HK2: variants seen among roughly 807,000 people sequenced by gnomAD.
The protein encoded by HK2 is hexokinase-2.
A neutral mutation model predicts 92.9 loss-of-function variants in HK2; 42 were observed. That is an observed-to-expected ratio of 0.45 (90% CI 0.35 to 0.58). The LOEUF is 0.58. Ranked by LOEUF, HK2 falls within the 20% of genes least tolerant of loss-of-function variation. The pLI is 0.00. For missense variants in HK2, 978 were observed against 1,245.1 expected (o/e 0.79, Z 3.23); for synonymous variants, 422 against 468.0 (o/e 0.90, Z 1.27).
chr2:74,839,767 C>T (rs1044106279), intron 1 of HK2, among the ~76,000 whole-genome samples: 7 of 151,528 alleles, frequency 4.6e-5, no homozygotes, highest in South Asian at 2.1e-4. Context: ...AAGTGATTCT[C>T]CTACCTCAGT....
chr2:74,859,715 A>G (rs1478701437), intron 2 of HK2, among the ~76,000 whole-genome samples: 2 of 152,238 alleles, frequency 1.3e-5, no homozygotes, highest in African/African-American at 4.8e-5. Flanking sequence ...ATGCTTATAC[A>G]CTGTTGGTGG....
At chr2:74,879,692 T>C (rs900432352) in intron 9 of HK2, among the ~76,000 whole-genome samples, 2 of 152,212 alleles carry the variant, frequency 1.3e-5, no homozygotes, top group African/African-American at 4.8e-5. Flanking sequence ...CTGGAGACCA[T>C]GGCTCCAAGT....
intron 3 of HK2, among the ~76,000 whole-genome samples, chr2:74,868,962 G>A (rs1212611771): frequency 6.6e-5 from 10 of 152,124 alleles, no homozygotes; most frequent in South Asian, 4.1e-4. Context: ...AATGAAGTGC[G>A]TCTCTGCCAA....
At chr2:74,855,002 A>G (rs553349883) in intron 2 of HK2, among the ~76,000 whole-genome samples, 1 of 152,164 alleles carries the variant, frequency 6.6e-6, no homozygotes, top group Admixed American at 6.5e-5. Context: ...CAGTGCATAT[A>G]TATATATTTT....
intron 1 of HK2, among the ~76,000 whole-genome samples, chr2:74,843,582 C>T (rs1688366563): frequency 6.6e-6 from 1 of 152,180 alleles, no homozygotes; most frequent in Admixed American, 6.5e-5. Context: ...CTCTGAGAAA[C>T]TGGCTCTGGA....
intron 2 of HK2, among the ~76,000 whole-genome samples, chr2:74,866,494 G>T (rs2103932196): frequency 6.6e-6 from 1 of 152,324 alleles, no homozygotes; most frequent in Non-Finnish European, 1.5e-5. Flanking sequence ...CTGCCCTGCT[G>T]CAGGTTCCGC....
Position 74,834,303 on chromosome 2 carries a change from C to G in HK2, c.-278C>G. 1.9e-6 allele frequency: 1 copy of G among 531,696 alleles called. No individual in the cohort carries two copies. Among genetic ancestry groups the G allele is most frequent in the South Asian group, 2.0e-5 (1 of 50,286 alleles). The allele number at this position is 531,696 out of a possible 1,614,324, so 32.9% of individuals were successfully genotyped here. ...AGTTGAGCCTCAGTGATCCTGTGGC[C>G]GAAGTTAGCGCCTTGACGTGGGACA... On this transcript the variant is annotated 5_prime_UTR_variant, in exon 1 of 18. Transcript: ENST00000290573. This position sits in a 1 kb window ranked among gnomAD's most constrained non-coding sequence, Gnocchi z 4.2.
intron 5 of HK2, 150 bp from the exon 6 acceptor site, chr2:74,873,694 T>TA: frequency 1.4e-6 from 1 of 696,440 alleles, no homozygotes; most frequent in Non-Finnish European, 2.6e-6. Flanking sequence ...GAGAATGAAT[T>TA]AAAAGTCTTA....
intron 1 of HK2, among the ~76,000 whole-genome samples, chr2:74,839,747 T>A (rs1401313074): frequency 2.0e-5 from 3 of 151,048 alleles, no homozygotes; most frequent in Non-Finnish European, 4.4e-5. Flanking sequence ...AACCTCCACC[T>A]CCTGGGTTCA....
rs371787662 is a variant in HK2, at chr2:74,882,088, C to T, written c.1720-32C>T. On this transcript the variant is annotated intron_variant, in intron 11 of 17. Coordinates refer to ENST00000290573, the MANE Select transcript of HK2 (RefSeq NM_000189.5). Reference sequence around the variant, plus strand: ...GGGGGCAGCCTGCCCTGCCCAGGGCCCCTCCCTCAGTGTCCTAACTTCTCC... The same window carrying T: ...GGGGGCAGCCTGCCCTGCCCAGGGCTCCTCCCTCAGTGTCCTAACTTCTCC... 11 of 1,610,526 alleles carry T rather than the reference C, an allele frequency of 6.8e-6. No homozygotes were observed. In the African/African-American group the frequency reaches 1.3e-4, roughly 20 times the overall value.
intron 1 of HK2, chr2:74,835,146 G>C (rs1688126670): frequency 5.1e-6 from 1 of 196,982 alleles, no homozygotes; most frequent in African/African-American, 2.4e-5. Context: ...GCGGCCCTGC[G>C]GGGGTGGGCT....
intron 2 of HK2, among the ~76,000 whole-genome samples, chr2:74,863,819 G>A (rs1040210892): frequency 6.6e-6 from 1 of 152,192 alleles, no homozygotes; most frequent in East Asian, 1.9e-4. Flanking sequence ...AGGGCAGAAA[G>A]GGCAGGTCCC....
intron 12 of HK2, among the ~76,000 whole-genome samples, chr2:74,883,873 T>A (rs1447593384): frequency 1.3e-5 from 2 of 152,248 alleles, no homozygotes; most frequent in Non-Finnish European, 2.9e-5. Flanking sequence ...ACTTATTAGC[T>A]AGTATCAGCC....
Position 74,872,289 on chromosome 2 carries a change from T to C in HK2, c.376-11T>C, listed in dbSNP as rs1309968291. ...CCTCTCTGCTCACCACCCTGTGTCA[T>C]GTATCCTTAGCTGTTTGACCACATT... On this transcript the variant is annotated splice_polypyrimidine_tract_variant and intron_variant, in intron 3 of 17. Transcript: ENST00000290573. 1.2e-6 allele frequency: 2 copies of C among 1,613,382 alleles called. No homozygotes were observed. The highest frequency in any genetic ancestry group is 1.7e-6 in the Non-Finnish European group (2 of 1,179,598).
intron 10 of HK2, among the ~76,000 whole-genome samples, 153 bp downstream of exon 10, chr2:74,880,722 C>T (rs1689368299): frequency 6.6e-6 from 1 of 152,244 alleles, no homozygotes; most frequent in Non-Finnish European, 1.5e-5. Flanking sequence ...TTGATAAACT[C>T]AAACAAGGTG....
chr2:74,877,722 C>T (rs536433737), intron 8 of HK2, among the ~76,000 whole-genome samples: 2 of 152,322 alleles, frequency 1.3e-5, no homozygotes, highest in East Asian at 3.9e-4. Flanking sequence ...ACCCCTGCTT[C>T]ATAATAGAAA....
intron 2 of HK2, among the ~76,000 whole-genome samples, chr2:74,866,886 G>A (rs3771771): frequency 0.24 from 36,984 of 151,996 alleles, 5,147 homozygotes; most frequent in Admixed American, 0.34. Flanking sequence ...GACCCCTCTG[G>A]TCTTGCTGCA....
At chr2:74,874,059 A>G in intron 6 of HK2, 116 bp downstream of exon 6, 1 of 971,666 alleles carries the variant, frequency 1.0e-6, no homozygotes, top group Non-Finnish European at 1.6e-6. Context: ...TTAGAAGATA[A>G]TGGTCCAGTC....
At position 74,834,576 on chromosome 2, in the gene HK2, G is replaced by A; in HGVS notation, c.-5G>A. 1 of 1,613,864 alleles carries A rather than the reference G, an allele frequency of 6.2e-7. No homozygotes were observed. Among genetic ancestry groups the A allele is most frequent in the East Asian group, 2.2e-5 (1 of 44,856 alleles). ...CCCAACTCTGCGCCGTCGGGCCGCG[G>A]CAGGATGATTGCCTCGCATCTGCTT... On this transcript the variant is annotated 5_prime_UTR_variant, in exon 1 of 18. Transcript: ENST00000290573. The surrounding 1 kb of genome is among the most constrained non-coding windows in gnomAD (Gnocchi z 4.2).
Sources: gnomAD v4.1 joint callset for allele counts (sites outside exome capture counted in the v4.1 genomes callset) on GRCh38, gnomAD v4.1.1 for gene constraint, Gnocchi (gnomAD v3.1) non-coding constraint, MANE v1.5 for transcripts, NCBI Gene and HGNC (gene_info 2026-07-23, HGNC 2026-07-21) for gene names.